The following ECHDC1 variants were observed in gnomAD, a reference collection of about 807,000 sequenced individuals.
ECHDC1 encodes ethylmalonyl-CoA decarboxylase 1.
ECHDC1 carries 29 observed loss-of-function variants against 29.7 expected under a neutral mutation model. The ratio of observed to expected loss-of-function variants is 0.98; its 90% confidence interval spans 0.73 to 1.33. The LOEUF is 1.33. Ranked by LOEUF, ECHDC1 falls within the 40% of genes most tolerant of loss-of-function variation. The pLI is 0.00. For missense variants in ECHDC1, 328 were observed against 350.0 expected, an observed-to-expected ratio of 0.94 and a Z score of 0.50; for synonymous variants, 126 against 123.1, an observed-to-expected ratio of 1.02 and a Z score of -0.15.
chr6:127,302,990 C>T (rs1340469797), intron 5 of ECHDC1, among the ~76,000 whole-genome samples: 1 of 151,996 alleles, frequency 6.6e-6, no homozygotes, highest in African/African-American at 2.4e-5. Context: ...GAATTTTGTG[C>T]ATTATTGAAC....
intron 2 of ECHDC1, among the ~76,000 whole-genome samples, 177 bp from the exon 3 acceptor site, chr6:127,327,321 A>G (rs530292137): frequency 3.0e-4 from 45 of 152,330 alleles, no homozygotes; most frequent in African/African-American, 9.6e-4. Flanking sequence ...AGAGGTACAC[A>G]TGGCAGGCCC....
chr6:127,304,049 T>C (rs570931623), intron 5 of ECHDC1, among the ~76,000 whole-genome samples: 3 of 152,246 alleles, frequency 2.0e-5, no homozygotes, highest in East Asian at 1.9e-4. Flanking sequence ...CAAGTGAACA[T>C]AGGCAGTATC....
chr6:127,292,035 A>G (rs898872028), intron 5 of ECHDC1, among the ~76,000 whole-genome samples: 3 of 152,086 alleles, frequency 2.0e-5, no homozygotes, highest in African/African-American at 7.2e-5. Flanking sequence ...TACAGAAATA[A>G]TGTCTAATAT....
chr6:127,291,451 T>C (rs1281628167), intron 5 of ECHDC1, among the ~76,000 whole-genome samples: 4 of 152,034 alleles, frequency 2.6e-5, no homozygotes, highest in African/African-American at 4.8e-5. Flanking sequence ...CTGATAGCAG[T>C]GAGTTTCCCT....
intron 4 of ECHDC1, chr6:127,315,791 C>G (rs1321462881): frequency 2.6e-6 from 1 of 381,948 alleles, no homozygotes; most frequent in Non-Finnish European, 5.3e-6. Context: ...CAATAGGTAC[C>G]AAAAATACAG....
chr6:127,306,898 T>A (rs1229663609), intron 5 of ECHDC1, among the ~76,000 whole-genome samples: 1 of 152,196 alleles, frequency 6.6e-6, no homozygotes, highest in African/African-American at 2.4e-5. Flanking sequence ...AGCACATGGA[T>A]CATTCTTAAA....
intron 2 of ECHDC1, 45 bp from the exon 3 acceptor site, chr6:127,327,189 T>C (rs866872150): frequency 1.1e-5 from 17 of 1,587,746 alleles, no homozygotes; most frequent in Middle Eastern, 1.7e-4. Flanking sequence ...TGAAGGTGAC[T>C]GGAAAAACAG....
chr6:127,328,819 G>A (rs577096106), intron 2 of ECHDC1, among the ~76,000 whole-genome samples: 4 of 152,278 alleles, frequency 2.6e-5, no homozygotes, highest in African/African-American at 9.6e-5. Flanking sequence ...GAGGTCAGGA[G>A]ATCGAGACCA....
At chr6:127,325,516 C>T (rs988081777) in intron 3 of ECHDC1, among the ~76,000 whole-genome samples, 2 of 152,096 alleles carry the variant, frequency 1.3e-5, no homozygotes, top group African/African-American at 4.8e-5. Flanking sequence ...TAAGTATACA[C>T]CCATTAAACC....
rs534388501 is a variant in ECHDC1, at chr6:127,296,238, G to C, written c.498-5961C>G. Among the ~76,000 whole-genome samples, 190 of 152,214 alleles carry C rather than the reference G, an allele frequency of 1.2e-3. 1 individual carries two copies. Among genetic ancestry groups the C allele is most frequent in the Middle Eastern group, 3.4e-3 (1 of 294 alleles). On this transcript the variant is annotated intron_variant, in intron 5 of 5. Transcript: ENST00000454859. ...CAGGGTCTTATTACTCCATTGCCCAGGCTGGAGTGCAGTGGCACGATCTTG... is the reference window on the plus strand; with the variant it reads ...CAGGGTCTTATTACTCCATTGCCCACGCTGGAGTGCAGTGGCACGATCTTG...
intron 1 of ECHDC1, among the ~76,000 whole-genome samples, chr6:127,332,717 C>G (rs1784073053): frequency 1.3e-5 from 2 of 152,236 alleles, no homozygotes; most frequent in South Asian, 2.1e-4. Context: ...TGCATTTTTA[C>G]ATAAACAATA....
chr6:127,308,917 T>A (rs1322060687), intron 5 of ECHDC1, among the ~76,000 whole-genome samples: 1 of 152,128 alleles, frequency 6.6e-6, no homozygotes, highest in Non-Finnish European at 1.5e-5. Context: ...AACATGTCTA[T>A]AATGAAAACT....
chr6:127,294,639 G>A (rs2114554242), intron 5 of ECHDC1: 1 of 152,200 alleles, frequency 6.6e-6, no homozygotes, highest in East Asian at 1.9e-4. Context: ...GAGGGGGGGA[G>A]CAGATATAAA....
chr6:127,315,297 G>C, intron 4 of ECHDC1: 1 of 353,652 alleles, frequency 2.8e-6, no homozygotes, highest in South Asian at 2.2e-5. Context: ...TTGGTATCAG[G>C]TTAAAAGTTG....
In ECHDC1 at chr6:127,331,769, G is replaced by GA. The variant is rs1783976289; in HGVS notation, c.-2-740dup. 3.2e-6 allele frequency: 3 copies of GA among 939,282 alleles called. No individual in the cohort carries two copies. The African/African-American group carries it at 5.3e-5, about 17-fold the overall frequency. The allele number at this position is 939,282 out of a possible 1,614,324, so 58.2% of individuals were successfully genotyped here. A position where few individuals can be genotyped will look rare whatever the true frequency, so the allele number is the denominator to read the frequency against. ...TCCCCTTGGAAACAGCCTCTATGCA[G>GA]AAATGCTGCAAGAGCAATCCCACTC... On this transcript the variant is annotated intron_variant, in intron 1 of 5. Transcript: ENST00000454859.
chr6:127,292,018 T>C (rs905296916), intron 5 of ECHDC1, among the ~76,000 whole-genome samples: 4 of 152,024 alleles, frequency 2.6e-5, no homozygotes, highest in Non-Finnish European at 4.4e-5. Flanking sequence ...TCAAAAGGAA[T>C]AGAAATTACA....
chr6:127,317,151 A>G (rs1310767145), intron 3 of ECHDC1, among the ~76,000 whole-genome samples: 1 of 151,952 alleles, frequency 6.6e-6, no homozygotes, highest in Non-Finnish European at 1.5e-5. Flanking sequence ...ATCTTTCTTT[A>G]ATCAGTTTCT....
At chr6:127,306,394 G>T (rs895735112) in intron 5 of ECHDC1, among the ~76,000 whole-genome samples, 1 of 152,090 alleles carries the variant, frequency 6.6e-6, no homozygotes, top group African/African-American at 2.4e-5. Context: ...ATACGGTTTG[G>T]ATTTGGGTCC....
At chr6:127,295,946 A>T (rs541400433) in intron 5 of ECHDC1, among the ~76,000 whole-genome samples, 3 of 152,330 alleles carry the variant, frequency 2.0e-5, no homozygotes, top group African/African-American at 7.2e-5. Context: ...TTTCTAAAAC[A>T]AATAGTGTTG....
Sources: gnomAD v4.1 joint callset for allele counts (sites outside exome capture counted in the v4.1 genomes callset) on GRCh38, gnomAD v4.1.1 for gene constraint, MANE v1.5 for transcripts, NCBI Gene and HGNC (gene_info 2026-07-23, HGNC 2026-07-21) for gene names.